C8orf34: variants seen among roughly 807,000 people sequenced by gnomAD.
The protein encoded by C8orf34 is uncharacterized protein C8orf34.
A neutral mutation model predicts 68.3 loss-of-function variants in C8orf34; 65 were observed. The ratio of observed to expected loss-of-function variants is 0.95; its 90% CI spans 0.78 to 1.17. The LOEUF (loss-of-function observed/expected upper bound fraction) is 1.17. Ranked by LOEUF, C8orf34 falls within the 50% of genes most tolerant of loss-of-function variation. The pLI is 0.00. For synonymous variants in C8orf34, 244 were observed against 241.2 expected (o/e 1.01, Z -0.11); for missense variants, 664 against 655.4 (o/e 1.01, Z -0.14).
At chr8:68,791,555 C>T (rs1563671944) in intron 12 of C8orf34, 1 of 152,130 alleles carries the variant, frequency 6.6e-6, no homozygotes, top group African/African-American at 2.4e-5. Context: ...TTTAAAAACA[C>T]AAATAAATAA....
chr8:68,687,790 G>C (rs1327403754), intron 8 of C8orf34, among the ~76,000 whole-genome samples: 1 of 152,012 alleles, frequency 6.6e-6, no homozygotes, highest in East Asian at 1.9e-4. Context: ...AAAAGCTTCT[G>C]TACACCAAAA....
chr8:68,649,114 A>G (rs1819267086), intron 8 of C8orf34, among the ~76,000 whole-genome samples: 1 of 152,210 alleles, frequency 6.6e-6, no homozygotes, highest in Non-Finnish European at 1.5e-5. Context: ...ATGGATAAGG[A>G]CAAAAAAGGA....
intron 8 of C8orf34, among the ~76,000 whole-genome samples, chr8:68,686,714 C>A (rs971434094): frequency 2.0e-5 from 3 of 152,070 alleles, no homozygotes; most frequent in Non-Finnish European, 4.4e-5. Flanking sequence ...AGAACTGGAA[C>A]AAGACAAGGA....
At chr8:68,770,526 G>A (rs1262507537) in intron 10 of C8orf34, among the ~76,000 whole-genome samples, 2 of 152,046 alleles carry the variant, frequency 1.3e-5, no homozygotes, top group Non-Finnish European at 2.9e-5. Context: ...ATTAATACTA[G>A]CCATTCATTC....
intron 1 of C8orf34, among the ~76,000 whole-genome samples, chr8:68,376,324 C>T (rs962775313): frequency 1.3e-5 from 2 of 152,006 alleles, no homozygotes; most frequent in African/African-American, 2.4e-5. Flanking sequence ...GGAAAGCAGT[C>T]CAACAGAGCA....
At chr8:68,340,147 T>C (rs1302998389) in intron 1 of C8orf34, among the ~76,000 whole-genome samples, 2 of 152,062 alleles carry the variant, frequency 1.3e-5, no homozygotes, top group Non-Finnish European at 2.9e-5. Context: ...AGAACTTTTA[T>C]ATACTGACAG....
At chr8:68,687,275 T>C (rs988549241) in intron 8 of C8orf34, among the ~76,000 whole-genome samples, 5 of 152,016 alleles carry the variant, frequency 3.3e-5, no homozygotes, top group Non-Finnish European at 7.4e-5. Flanking sequence ...AAAATTTATA[T>C]GGAACCAAAA....
intron 1 of C8orf34, chr8:68,331,624 CCT>C: frequency 2.1e-6 from 1 of 473,254 alleles, no homozygotes; most frequent in South Asian, 2.1e-5. Context: ...CTGTCCTGCA[CCT>C]CTCAGCTACA....
intron 1 of C8orf34, among the ~76,000 whole-genome samples, chr8:68,375,804 G>A (rs1807767748): frequency 6.6e-6 from 1 of 152,212 alleles, no homozygotes; most frequent in Non-Finnish European, 1.5e-5. Flanking sequence ...TGGGCTAGGT[G>A]TTTTGTGGTA....
At chr8:68,459,816 T>C (rs902893908) in intron 3 of C8orf34, among the ~76,000 whole-genome samples, 1 of 152,170 alleles carries the variant, frequency 6.6e-6, no homozygotes, top group Non-Finnish European at 1.5e-5. Flanking sequence ...AGAGCCAAGA[T>C]GGCCAAATAG....
chr8:68,473,964 C>G (rs1308305571), intron 4 of C8orf34, among the ~76,000 whole-genome samples: 2 of 152,142 alleles, frequency 1.3e-5, no homozygotes, highest in Non-Finnish European at 2.9e-5. Context: ...TTTGGATGCC[C>G]TTTGCATCAC....
At chr8:68,586,274 C>A (rs1586411253) in intron 7 of C8orf34, among the ~76,000 whole-genome samples, 1 of 152,064 alleles carries the variant, frequency 6.6e-6, no homozygotes, top group Non-Finnish European at 1.5e-5. Flanking sequence ...GCACTTACAT[C>A]AAAAATCTGC....
At chr8:68,591,847 A>G (rs1817397684) in intron 7 of C8orf34, among the ~76,000 whole-genome samples, 1 of 152,172 alleles carries the variant, frequency 6.6e-6, no homozygotes, top group East Asian at 1.9e-4. Context: ...ATTGCCCATG[A>G]TCAGACTATT....
intron 7 of C8orf34, among the ~76,000 whole-genome samples, chr8:68,626,710 A>G (rs1818547200): frequency 6.6e-6 from 1 of 152,212 alleles, no homozygotes; most frequent in Non-Finnish European, 1.5e-5. Context: ...AGTTCTCAAC[A>G]TAGGATCTTA....
intron 1 of C8orf34, among the ~76,000 whole-genome samples, chr8:68,345,133 T>G (rs1387853255): frequency 6.6e-6 from 1 of 151,906 alleles, no homozygotes; most frequent in Non-Finnish European, 1.5e-5. Context: ...AAATCAAAGA[T>G]TCCTAGATTG....
At chr8:68,742,548 C>T (rs1209835566) in intron 10 of C8orf34, among the ~76,000 whole-genome samples, 1 of 152,156 alleles carries the variant, frequency 6.6e-6, no homozygotes, top group African/African-American at 2.4e-5. Context: ...CCTTTCTCCC[C>T]ATTTCTAAAA....
chr8:68,378,584 G>A (rs1307822290), intron 1 of C8orf34, among the ~76,000 whole-genome samples: 3 of 152,116 alleles, frequency 2.0e-5, no homozygotes, highest in Non-Finnish European at 4.4e-5. Flanking sequence ...CACTGTGTGT[G>A]GCCCAGAGCT....
intron 8 of C8orf34, among the ~76,000 whole-genome samples, chr8:68,654,980 A>G (rs1439465651): frequency 1.3e-5 from 2 of 152,182 alleles, no homozygotes; most frequent in Non-Finnish European, 2.9e-5. Flanking sequence ...TGCATATCCA[A>G]AAAATTTACA....
chr8:68,448,707 G>C (rs188790926), intron 3 of C8orf34, among the ~76,000 whole-genome samples: 1 of 152,060 alleles, frequency 6.6e-6, no homozygotes, highest in Admixed American at 6.6e-5. Context: ...CACAATTATA[G>C]TAAATATAAA....
Sources: gnomAD v4.1 joint callset for allele counts (sites outside exome capture counted in the v4.1 genomes callset) on GRCh38, gnomAD v4.1.1 for gene constraint, MANE v1.5 for transcripts, NCBI Gene and HGNC (gene_info 2026-07-23, HGNC 2026-07-21) for gene names.